The following KDM5C variants were observed in gnomAD, a reference collection of about 807,000 sequenced individuals.
The protein encoded by KDM5C is lysine demethylase 5C.
A neutral mutation model predicts 110.6 loss-of-function variants in KDM5C; 16 were observed. The observed-to-expected ratio is 0.14, with a 90% CI of 0.10 to 0.22. KDM5C has a LOEUF of 0.22. Among genes scored for constraint, KDM5C ranks in the 10% least tolerant of loss-of-function variants. The probability of loss-of-function intolerance (pLI) is 1.00; values close to 1 mark genes in which losing one functional copy is unlikely to be tolerated. For synonymous variants in KDM5C, 511 were observed against 520.4 expected (o/e 0.98, Z 0.24); for missense variants, 681 against 1,300.9 (o/e 0.52, Z 7.33).
rs1934490339 is a variant in KDM5C at position 53,192,586 on chromosome X, G to C, written c.*381C>G. On this transcript the variant is annotated 3_prime_UTR_variant, in exon 26 of 26. Transcript: ENST00000375401. ...GCAGGGGTTAGTGTAGCATGGCCTG[G>C]CCAGGACCAGAACTGGGGAGAGAAG... 1.9e-6 allele frequency: 1 copy of C among 523,206 alleles called. No individual in the cohort carries two copies. Among genetic ancestry groups the C allele is most frequent in the Admixed American group, 3.1e-5 (1 of 32,743 alleles). The allele number at this position is 523,206 out of a possible 1,213,427, so 43.1% of individuals were successfully genotyped here. A position where few individuals can be genotyped will look rare whatever the true frequency, so the allele number is the denominator to read the frequency against.
At chrX:53,197,067 A>C in intron 18 of KDM5C, 23 bp from the exon 19 acceptor site, 1 of 1,119,269 alleles carries the variant, frequency 8.9e-7, no homozygotes, top group Non-Finnish European at 1.2e-6. Context: ...AGGATGAAGA[A>C]CAAACTCCTC....
At chrX:53,180,812 C>T (rs1008540119) in intron 25 of KDM5C, among the ~76,000 whole-genome samples, 11 of 101,616 alleles carry the variant, frequency 1.1e-4, no homozygotes, top group Non-Finnish European at 2.2e-4. Context: ...CTGCAGGCTC[C>T]ACCCCCCGGG....
rs2146947603 is a variant in KDM5C, at chrX:53,217,281, G to A, written c.523-4C>T. The A allele has an allele frequency of 8.3e-7, 1 of 1,210,594 alleles. No homozygotes were observed. Among genetic ancestry groups the A allele is most frequent in the South Asian group, 1.8e-5 (1 of 56,840 alleles). On this transcript the variant is annotated splice_polypyrimidine_tract_variant and splice_region_variant and intron_variant, in intron 4 of 25. Transcript: ENST00000375401. ...CAAATGGACGTGTGTTACACTGCTG[G>A]GGACAGGTAAGGGGTAAGGGTCAGG... is the stretch of plus-strand genomic sequence containing the variant.
In KDM5C at chrX:53,178,926, C is replaced by T. The variant is rs781833278; in HGVS notation, c.4309-2304G>A. Among the ~76,000 whole-genome samples the T allele has an allele frequency of 9.2e-4, 102 of 110,907 alleles. 1 individual carries two copies. The highest frequency in any genetic ancestry group is 4.7e-3 in the Middle Eastern group (1 of 215). On this transcript the variant is annotated intron_variant, in intron 25 of 25. Coordinates refer to the KDM5C transcript ENST00000685641. Reference sequence around the variant, plus strand: ...CAGCCTGGCCAACATGGTGAAACCCCATCTCTACTAAAAACACAAAAATTA... The same window carrying T: ...CAGCCTGGCCAACATGGTGAAACCCTATCTCTACTAAAAACACAAAAATTA...
At chrX:53,214,285 A>C in intron 8 of KDM5C, 1 of 137,814 alleles carries the variant, frequency 7.3e-6, no homozygotes, top group Admixed American at 7.7e-5. Flanking sequence ...GAAAAAAAAA[A>C]ACAAAACAAA....
intron 18 of KDM5C, among the ~76,000 whole-genome samples, chrX:53,197,349 A>C (rs1556838158): frequency 9.0e-6 from 1 of 111,436 alleles, no homozygotes; most frequent in Non-Finnish European, 1.9e-5. Flanking sequence ...CTCTGTTCTC[A>C]GGGCACCAAG....
chrX:53,200,685 T>G (rs1234981271), intron 14 of KDM5C, among the ~76,000 whole-genome samples: 2 of 111,914 alleles, frequency 1.8e-5, no homozygotes, highest in African/African-American at 3.2e-5. Context: ...AAGAAAGTAT[T>G]ACCCTAGATA....
At chrX:53,214,103 C>T (rs1431873787) in intron 8 of KDM5C, among the ~76,000 whole-genome samples, 2 of 108,939 alleles carry the variant, frequency 1.8e-5, no homozygotes, top group Admixed American at 9.7e-5. Context: ...AACAGGCGTG[C>T]GCCACCATGC....
At chrX:53,176,762 A>G (rs1556824344) in intron 25 of KDM5C, among the ~76,000 whole-genome samples, 1 of 112,517 alleles carries the variant, frequency 8.9e-6, no homozygotes, top group Non-Finnish European at 1.9e-5. Flanking sequence ...TCTTAAAAGC[A>G]TAATGTTGAA....
rs782221927 is a variant in KDM5C, at chrX:53,197,807, G to A, written c.2586C>T (p.Asn862=). The A allele has an allele frequency of 5.8e-6, 7 of 1,206,114 alleles. No individual in the cohort carries two copies. The Admixed American group carries it at 1.5e-4, about 26-fold the overall frequency. ...CAATCTGGTGCATGGCGCAAGGCAG[G>A]TTGTTCATCTGGTCCAGAAAGGCCC... The part of the protein sequence containing the change: ...ELRAFLDQMN[N]LPCAMHQIGD... The change falls in exon 18 of 26, where the codon AAC becomes AAT. Residue 862 remains asparagine, a synonymous_variant. Coordinates refer to ENST00000375401, the MANE Select transcript of KDM5C (RefSeq NM_004187.5).
chrX:53,189,904 G>A (rs1934350700), downstream of KDM5C, among the ~76,000 whole-genome samples: 1 of 112,472 alleles, frequency 8.9e-6, no homozygotes, highest in Admixed American at 9.4e-5. Flanking sequence ...AGAAGGGGAA[G>A]AAGGGTTCAG....
intron 2 of KDM5C, 133 bp downstream of exon 2, chrX:53,220,706 A>C (rs1214620705): frequency 1.8e-6 from 1 of 564,734 alleles, no homozygotes; most frequent in African/African-American, 2.3e-5. Flanking sequence ...CACTAAAGTA[A>C]TGCAATTTCA....
intron 2 of KDM5C, among the ~76,000 whole-genome samples, chrX:53,220,275 CT>C (rs1194323795): frequency 9.0e-6 from 1 of 111,701 alleles, no homozygotes; most frequent in African/African-American, 3.3e-5. Context: ...TGAAAAGGGC[CT>C]GGACTTCCTG....
chrX:53,211,634 C>T lies in KDM5C; in HGVS notation c.1264G>A (p.Glu422Lys). The change falls in exon 10 of 26, where the codon GAG (glutamate) becomes AAG (lysine). Residue 422 changes from glutamate (E) to lysine (K), a missense_variant. By Grantham distance (56) the Glu-to-Lys change is moderately conservative. This residue lies in a region of KDM5C where 41 missense variants were observed against 205.9 expected (regional missense o/e 0.20). Coordinates refer to ENST00000375401, the MANE Select transcript of KDM5C (RefSeq NM_004187.5). Reference sequence around the variant, plus strand: ...TTTACCAGCCTCCAGAACTCCTTCTCCACAAGTTCTGTGGGCACCATCTGG... The same window carrying T: ...TTTACCAGCCTCCAGAACTCCTTCTTCACAAGTTCTGTGGGCACCATCTGG... ...PVHMVPTELV[E>K]KEFWRLVNSI... 8.3e-7 allele frequency: 1 copy of T among 1,211,887 alleles called. No individual in the cohort carries two copies. The highest frequency in any genetic ancestry group is 1.1e-6 in the Non-Finnish European group (1 of 895,478).
At chrX:53,224,636 C>G in intron 1 of KDM5C, 104 bp downstream of exon 1, 11 of 1,016,431 alleles carry the variant, frequency 1.1e-5, no homozygotes, top group Non-Finnish European at 1.5e-5. Context: ...TCCCAGCCAC[C>G]CCCTCTCCCC....
intron 8 of KDM5C, among the ~76,000 whole-genome samples, chrX:53,213,432 G>T (rs781871809): frequency 2.1e-4 from 23 of 112,155 alleles, no homozygotes; most frequent in Non-Finnish European, 4.3e-4. Flanking sequence ...AAGATAAGGC[G>T]AATGTCTGCT....
chrX:53,192,873 G>GCCC lies in KDM5C; in HGVS notation c.*91_*93dup. On this transcript the variant is annotated 3_prime_UTR_variant, in exon 26 of 26. Coordinates refer to ENST00000375401, the MANE Select transcript of KDM5C (RefSeq NM_004187.5). Reference sequence around the variant, plus strand: ...AGCAGGGATGGCCACCCCCCTACCCGCCCACCCCCCAAGAAGCAGGCTTGA... The same window carrying GCCC: ...AGCAGGGATGGCCACCCCCCTACCCGCCCCCCACCCCCCAAGAAGCAGGCTTGA... 4 of 230,657 alleles carry GCCC rather than the reference G, an allele frequency of 1.7e-5. No individual in the cohort carries two copies. The highest frequency in any genetic ancestry group is 1.9e-5 in the Non-Finnish European group (3 of 159,356). 19.0% of individuals were successfully genotyped at this position (230,657 alleles called of 1,213,427 possible).
Position 53,192,873 on chromosome X carries a change from G to GGCCCCCCCCCCCCC in KDM5C, c.*93_*94insGGGGGGGGGGGGGC. On this transcript the variant is annotated 3_prime_UTR_variant, in exon 26 of 26. Transcript: ENST00000375401. ...AGCAGGGATGGCCACCCCCCTACCC[G>GGCCCCCCCCCCCCC]CCCACCCCCCAAGAAGCAGGCTTGA... 4.3e-6 allele frequency: 1 copy of GGCCCCCCCCCCCCC among 230,672 alleles called. No homozygotes were observed. The highest frequency in any genetic ancestry group is 6.3e-6 in the Non-Finnish European group (1 of 159,371). The allele number at this position is 230,672 out of a possible 1,213,427, so 19.0% of individuals were successfully genotyped here. A position where few individuals can be genotyped will look rare whatever the true frequency, so the allele number is the denominator to read the frequency against.
chrX:53,196,067 A>G lies in KDM5C; in HGVS notation c.2982-13T>C. On this transcript the variant is annotated splice_polypyrimidine_tract_variant and intron_variant, in intron 19 of 25. Coordinates refer to ENST00000375401, the MANE Select transcript of KDM5C (RefSeq NM_004187.5). ...TGGATGCTTCTGCCTAAAGGTAAGGAAAAAAAGAACGCTCAGTCTGATGTG... is the reference window on the plus strand; with the variant it reads ...TGGATGCTTCTGCCTAAAGGTAAGGGAAAAAAGAACGCTCAGTCTGATGTG... 2 of 1,209,346 alleles carry G rather than the reference A, an allele frequency of 1.7e-6. No individual in the cohort carries two copies. Among genetic ancestry groups the G allele is most frequent in the East Asian group, 3.0e-5 (1 of 33,796 alleles).
Sources: allele counts gnomAD v4.1 joint callset (sites outside exome capture counted in the v4.1 genomes callset), GRCh38; gene constraint gnomAD v4.1.1; regional missense constraint gnomAD v4.1.1; transcripts MANE v1.5; gene names NCBI Gene and HGNC (gene_info 2026-07-23, HGNC 2026-07-21).